Variants in PCSK5 observed in about 807,000 individuals in gnomAD.
PCSK5 encodes the protein prohormone convertase 5.
In PCSK5, 129 loss-of-function variants were observed where a neutral mutation model predicts 233.2. The ratio of observed to expected loss-of-function variants is 0.55; its 90% CI spans 0.48 to 0.64. PCSK5 has a LOEUF of 0.64. Ranked by LOEUF, PCSK5 falls within the 30% of genes least tolerant of loss-of-function variation. The pLI, the probability that PCSK5 is intolerant of heterozygous loss-of-function variation, is 0.00. For synonymous variants in PCSK5, 825 were observed against 879.2 expected (o/e 0.94, Z 1.09); for missense variants, 2,076 against 2,430.1 (o/e 0.85, Z 3.06).
chr9:76,323,325 T>C, intron 32 of PCSK5, 37 bp downstream of exon 32: 1 of 1,250,462 alleles, frequency 8.0e-7, no homozygotes, highest in Middle Eastern at 2.1e-4. Context: ...GCTCCGGGGT[T>C]TGCATAGTTC....
chr9:76,083,603 A>T lies in PCSK5; in HGVS notation c.894+11705A>T, dbSNP rs369932142. Among the ~76,000 whole-genome samples, 42 of 152,340 alleles carry T rather than the reference A, an allele frequency of 2.8e-4. No individual in the cohort carries two copies. In the East Asian group the frequency reaches 5.0e-3, roughly 18 times the overall value. ...ATGGAAACCAAGACATTTGATAGAC[A>T]TCCATTGGCGTATGTCTGTTTAGTC... On this transcript the variant is annotated intron_variant, in intron 7 of 37. Coordinates refer to ENST00000674117, the MANE Select transcript of PCSK5 (RefSeq NM_001372043.1).
chr9:76,312,980 A>G (rs922334345), intron 30 of PCSK5, among the ~76,000 whole-genome samples: 1 of 152,210 alleles, frequency 6.6e-6, no homozygotes, highest in African/African-American at 2.4e-5. Context: ...AGATTCCAAG[A>G]GAAAAGAAAA....
chr9:76,197,732 T>C (rs1824758955), intron 20 of PCSK5, among the ~76,000 whole-genome samples: 1 of 152,136 alleles, frequency 6.6e-6, no homozygotes, highest in South Asian at 2.1e-4. Context: ...AACCACAAGA[T>C]GGTAGAGGTG....
At chr9:76,037,477 G>C (rs899866028) in intron 5 of PCSK5, among the ~76,000 whole-genome samples, 1 of 152,168 alleles carries the variant, frequency 6.6e-6, no homozygotes. Flanking sequence ...TATTACAGGT[G>C]ACAGTAAGTA....
intron 35 of PCSK5, among the ~76,000 whole-genome samples, chr9:76,346,747 GA>G (rs1378103943): frequency 6.6e-6 from 1 of 151,894 alleles, no homozygotes; most frequent in East Asian, 1.9e-4. Context: ...AAACTAGGTA[GA>G]AAAAAAGATG....
chr9:75,947,834 C>T (rs1417091210), intron 2 of PCSK5, among the ~76,000 whole-genome samples: 1 of 152,106 alleles, frequency 6.6e-6, no homozygotes, highest in African/African-American at 2.4e-5. Context: ...ACCATTCACA[C>T]ATTTGCTTTC....
At chr9:75,935,640 C>T (rs1232427231) in intron 2 of PCSK5, among the ~76,000 whole-genome samples, 1 of 152,122 alleles carries the variant, frequency 6.6e-6, no homozygotes, top group Non-Finnish European at 1.5e-5. Context: ...TTTCCCGAGT[C>T]CTCTTTACTC....
chr9:76,250,509 C>A (rs1289045424), intron 24 of PCSK5, among the ~76,000 whole-genome samples: 1 of 152,188 alleles, frequency 6.6e-6, no homozygotes. Context: ...ATGAGAACCA[C>A]TTTACCTCTA....
chr9:76,352,939 C>T (rs1178659076), intron 36 of PCSK5, among the ~76,000 whole-genome samples: 2 of 151,540 alleles, frequency 1.3e-5, no homozygotes, highest in Non-Finnish European at 2.9e-5. Context: ...GTCCCAGCTA[C>T]TTGTGGGGCT....
intron 13 of PCSK5, among the ~76,000 whole-genome samples, chr9:76,174,500 C>T (rs113354165): frequency 7.9e-5 from 12 of 151,836 alleles, no homozygotes; most frequent in African/African-American, 2.7e-4. Flanking sequence ...TTAGTAGAGA[C>T]GGAGTTTCAC....
chr9:75,923,298 C>T (rs567860999), intron 1 of PCSK5, among the ~76,000 whole-genome samples: 2 of 152,062 alleles, frequency 1.3e-5, no homozygotes, highest in Non-Finnish European at 2.9e-5. Context: ...TTAGACGTAA[C>T]GTAGGGAAAG....
At chr9:76,356,277 C>A (rs1830300582) in intron 37 of PCSK5, among the ~76,000 whole-genome samples, 1 of 152,180 alleles carries the variant, frequency 6.6e-6, no homozygotes, top group Non-Finnish European at 1.5e-5. Flanking sequence ...CTTTCCTGGT[C>A]CCCCTGCAGC....
At chr9:76,345,585 A>AT (rs1829957571) in intron 35 of PCSK5, among the ~76,000 whole-genome samples, 2 of 151,324 alleles carry the variant, frequency 1.3e-5, no homozygotes, top group East Asian at 3.9e-4. Context: ...CGACCTGCTA[A>AT]TTTTTTTTAA....
At chr9:76,312,370 A>T (rs112285731) in intron 30 of PCSK5, among the ~76,000 whole-genome samples, 169 of 152,170 alleles carry the variant, frequency 1.1e-3, no homozygotes, top group African/African-American at 3.8e-3. Context: ...TTAGCCAGGC[A>T]TGGTGTCATA....
intron 3 of PCSK5, among the ~76,000 whole-genome samples, chr9:75,996,817 T>TG (rs1383163449): frequency 2.0e-5 from 3 of 150,244 alleles, no homozygotes; most frequent in East Asian, 3.9e-4. Context: ...TTAACAAAGT[T>TG]TTTTTTTTTT....
chr9:76,103,985 T>A (rs1371154397), intron 8 of PCSK5, among the ~76,000 whole-genome samples: 1 of 152,186 alleles, frequency 6.6e-6, no homozygotes, highest in Non-Finnish European at 1.5e-5. Flanking sequence ...CCACCCTATG[T>A]AGTGGGCCGA....
intron 2 of PCSK5, among the ~76,000 whole-genome samples, chr9:75,940,933 A>AG (rs1308392198): frequency 6.6e-6 from 1 of 152,216 alleles, no homozygotes; most frequent in Non-Finnish European, 1.5e-5. Flanking sequence ...TTAGTTAAAA[A>AG]TAAGTATTCA....
intron 20 of PCSK5, among the ~76,000 whole-genome samples, chr9:76,203,332 A>T (rs1378177803): frequency 6.6e-6 from 1 of 152,088 alleles, no homozygotes; most frequent in African/African-American, 2.4e-5. Context: ...CTAAACTTGC[A>T]TTCTCATTCC....
chr9:76,095,405 C>T (rs56848097), intron 7 of PCSK5, among the ~76,000 whole-genome samples: 6,552 of 152,292 alleles, frequency 0.043, 406 homozygotes, highest in African/African-American at 0.14. Flanking sequence ...TGCATAACTA[C>T]GGTAATTACA....
Sources: allele counts gnomAD v4.1 joint callset (sites outside exome capture counted in the v4.1 genomes callset), GRCh38; gene constraint gnomAD v4.1.1; transcripts MANE v1.5; gene names NCBI Gene and HGNC (gene_info 2026-07-23, HGNC 2026-07-21).